Variants in METTL15 observed in about 807,000 individuals in gnomAD.
METTL15 encodes the protein methyltransferase 15, mitochondrial 12S rRNA N4-cytidine, also known as 12S rRNA N(4)-cytidine methyltransferase METTL15.
In METTL15, 34 loss-of-function variants were observed where a neutral mutation model predicts 38.3. The observed-to-expected ratio is 0.89, with a 90% confidence interval of 0.68 to 1.18. METTL15 has a LOEUF of 1.18. Among genes scored for constraint, METTL15 ranks in the 50% most tolerant of loss-of-function variants. The probability of loss-of-function intolerance (pLI) is 0.00; values close to 1 mark genes in which losing one functional copy is unlikely to be tolerated. For synonymous variants in METTL15, 162 were observed against 170.9 expected (o/e 0.95, Z 0.41); for missense variants, 438 against 498.4 (o/e 0.88, Z 1.15).
chr11:28,265,758 A>C (rs1044718948), intron 4 of METTL15, among the ~76,000 whole-genome samples: 1 of 152,064 alleles, frequency 6.6e-6, no homozygotes, highest in Non-Finnish European at 1.5e-5. Flanking sequence ...TATATACCCA[A>C]ATATCTTCTT....
intron 5 of METTL15, among the ~76,000 whole-genome samples, chr11:28,394,953 A>G (rs1262963756): frequency 6.6e-6 from 1 of 152,124 alleles, no homozygotes; most frequent in African/African-American, 2.4e-5. Flanking sequence ...AAGATGCCAC[A>G]ATGGCTGATT....
chr11:28,435,836 G>A (rs1281426586), intron 6 of METTL15, among the ~76,000 whole-genome samples: 1 of 152,116 alleles, frequency 6.6e-6, no homozygotes, highest in Non-Finnish European at 1.5e-5. Flanking sequence ...CTTCAAAAAG[G>A]GTCTTATAGC....
intron 4 of METTL15, among the ~76,000 whole-genome samples, chr11:28,284,056 A>G (rs2133977996): frequency 6.6e-6 from 1 of 152,300 alleles, no homozygotes; most frequent in Admixed American, 6.5e-5. Context: ...AGCAGAGTCT[A>G]AAGTTGTGGC....
chr11:28,493,386 A>G (rs1298363920), intron 6 of METTL15, among the ~76,000 whole-genome samples: 4 of 152,146 alleles, frequency 2.6e-5, no homozygotes, highest in Non-Finnish European at 5.9e-5. Flanking sequence ...TAAAGGTACA[A>G]TCATAGCTGA....
intron 3 of METTL15, among the ~76,000 whole-genome samples, chr11:28,126,995 T>C (rs1852515897): frequency 6.6e-6 from 1 of 152,052 alleles, no homozygotes; most frequent in Non-Finnish European, 1.5e-5. Flanking sequence ...AAAGGGAACA[T>C]GTACAAAAGT....
At chr11:28,418,882 A>G (rs1280914338) in intron 5 of METTL15, among the ~76,000 whole-genome samples, 1 of 152,194 alleles carries the variant, frequency 6.6e-6, no homozygotes, top group Non-Finnish European at 1.5e-5. Flanking sequence ...AGCCCTAGCC[A>G]GAGGGAAATC....
At chr11:28,456,316 A>G (rs1260560746) in intron 6 of METTL15, among the ~76,000 whole-genome samples, 1 of 152,212 alleles carries the variant, frequency 6.6e-6, no homozygotes, top group Non-Finnish European at 1.5e-5. Context: ...CTGCTACTGC[A>G]CGGTTTCTCC....
At chr11:28,416,220 C>T (rs183381433) in intron 5 of METTL15, among the ~76,000 whole-genome samples, 11 of 152,324 alleles carry the variant, frequency 7.2e-5, no homozygotes, top group African/African-American at 2.4e-4. Flanking sequence ...ACCTTGTGTG[C>T]CTGTGTGTGC....
chr11:28,462,601 G>A (rs986865874), intron 6 of METTL15, among the ~76,000 whole-genome samples: 1 of 151,926 alleles, frequency 6.6e-6, no homozygotes, highest in African/African-American at 2.4e-5. Flanking sequence ...CAGGAAGTGG[G>A]CCTGAGAAAC....
intron 6 of METTL15, among the ~76,000 whole-genome samples, chr11:28,302,347 T>G (rs898000751): frequency 1.3e-5 from 2 of 152,212 alleles, no homozygotes; most frequent in Non-Finnish European, 2.9e-5. Flanking sequence ...TTCAGTCTTG[T>G]AGGTCATAAA....
chr11:28,385,892 T>C (rs144397497), intron 5 of METTL15, among the ~76,000 whole-genome samples: 1 of 152,216 alleles, frequency 6.6e-6, no homozygotes, highest in Non-Finnish European at 1.5e-5. Flanking sequence ...ACTTTTGATT[T>C]GTGCATACAA....
At position 28,298,917 on chromosome 11, in the gene METTL15, A is replaced by G. The variant is rs150881017; in HGVS notation, c.778+1986A>G. Among the ~76,000 whole-genome samples the G allele has an allele frequency of 2.7e-3, 408 of 152,244 alleles. 8 individuals carry two copies. Among genetic ancestry groups the G allele is most frequent in the Admixed American group, 0.023 (346 of 15,276 alleles). ...TGAGAGAGGCTGCTTTATACTAGCTACTTCCTAAATACTAAAGGTAAAATA... is the reference window on the plus strand; with the variant it reads ...TGAGAGAGGCTGCTTTATACTAGCTGCTTCCTAAATACTAAAGGTAAAATA... On this transcript the variant is annotated intron_variant, in intron 6 of 6. Transcript: ENST00000407364.
At chr11:28,468,507 A>G (rs1851276360) in intron 6 of METTL15, among the ~76,000 whole-genome samples, 1 of 152,220 alleles carries the variant, frequency 6.6e-6, no homozygotes, top group African/African-American at 2.4e-5. Context: ...AGTCTAGTGC[A>G]TGTCTTTTTA....
At chr11:28,116,950 T>C (rs576509665) in intron 3 of METTL15, among the ~76,000 whole-genome samples, 1 of 152,204 alleles carries the variant, frequency 6.6e-6, no homozygotes, top group East Asian at 1.9e-4. Flanking sequence ...CCAGTATTCT[T>C]AAATGAATTT....
chr11:28,490,623 AT>A, intron 6 of METTL15, among the ~76,000 whole-genome samples: 1 of 152,078 alleles, frequency 6.6e-6, no homozygotes, highest in East Asian at 1.9e-4. Context: ...GTGATTCTTA[AT>A]GTGCAGTTAG....
intron 6 of METTL15, chr11:28,328,190 G>A: frequency 6.2e-7 from 1 of 1,602,412 alleles, no homozygotes; most frequent in South Asian, 1.1e-5. Flanking sequence ...TTCCTTTTCA[G>A]TTTTGATATG....
At chr11:28,260,905 T>C (rs925223244) in intron 4 of METTL15, among the ~76,000 whole-genome samples, 1 of 152,170 alleles carries the variant, frequency 6.6e-6, no homozygotes, top group African/African-American at 2.4e-5. Context: ...AAGTAGACTA[T>C]AGTTTGAGTT....
chr11:28,296,817 A>G lies in METTL15; in HGVS notation c.664A>G (p.Ile222Val), dbSNP rs141286273. 4 of 1,613,440 alleles carry G rather than the reference A, an allele frequency of 2.5e-6. No individual in the cohort carries two copies. The highest frequency in any genetic ancestry group is 3.4e-6 in the Non-Finnish European group (4 of 1,179,706). The change falls in exon 6 of 7, where the codon ATC (isoleucine) becomes GTC (valine). Residue 222 changes from isoleucine to valine, a missense_variant. Ile to Val is a conservative substitution (Grantham distance 29). Transcript: ENST00000407364. ...TTTAGATCAACAGGCACTTGCATCT[A>G]TCCTAAGAACATACGGGGAGGAGAA... The part of the protein sequence containing the change: ...NALDQQALAS[I>V]LRTYGEEKHA...
intron 3 of METTL15, among the ~76,000 whole-genome samples, chr11:28,119,392 A>T (rs1228824584): frequency 6.6e-6 from 1 of 152,204 alleles, no homozygotes; most frequent in African/African-American, 2.4e-5. Context: ...GGCACCAATA[A>T]GAGGAATGTC....
Sources: gnomAD v4.1 joint callset for allele counts (sites outside exome capture counted in the v4.1 genomes callset) on GRCh38, gnomAD v4.1.1 for gene constraint, MANE v1.5 for transcripts, NCBI Gene and HGNC (gene_info 2026-07-23, HGNC 2026-07-21) for gene names.